The following DGKB variants were observed in gnomAD, a reference collection of about 807,000 sequenced individuals.
DGKB encodes the protein 90 kDa diacylglycerol kinase.
A neutral mutation model predicts 114.3 loss-of-function variants in DGKB; 67 were observed. The ratio of observed to expected loss-of-function variants is 0.59; its 90% CI spans 0.48 to 0.72. DGKB has a LOEUF of 0.72. Among genes scored for constraint, DGKB ranks in the 30% least tolerant of loss-of-function variants. The probability of loss-of-function intolerance (pLI) is 0.00; values close to 1 mark genes in which losing one functional copy is unlikely to be tolerated. For synonymous variants in DGKB, 398 were observed against 323.1 expected (o/e 1.23, Z -2.49); for missense variants, 907 against 975.2 (o/e 0.93, Z 0.93).
intron 23 of DGKB, among the ~76,000 whole-genome samples, chr7:14,282,029 A>G (rs1233483537): frequency 1.0e-5 from 1 of 97,614 alleles, no homozygotes; most frequent in East Asian, 3.0e-4. Context: ...AACTGAAGGA[A>G]ATAGAGACAC....
intron 20 of DGKB, among the ~76,000 whole-genome samples, chr7:14,528,687 G>A (rs2092613501): frequency 6.6e-6 from 1 of 151,968 alleles, no homozygotes; most frequent in Non-Finnish European, 1.5e-5. Flanking sequence ...AAGACATTAT[G>A]CTAATAGAGC....
chr7:14,660,601 TTCTC>T (rs1816845064), intron 13 of DGKB, among the ~76,000 whole-genome samples: 1 of 152,076 alleles, frequency 6.6e-6, no homozygotes, highest in Non-Finnish European at 1.5e-5. Context: ...TATTTGATTC[TTCTC>T]TCTTTTTTTC....
At chr7:14,723,519 T>TC (rs1279428015) in intron 5 of DGKB, among the ~76,000 whole-genome samples, 2 of 152,072 alleles carry the variant, frequency 1.3e-5, no homozygotes, top group African/African-American at 4.8e-5. Context: ...GCTATACTAC[T>TC]TTAAATATTT....
At chr7:14,469,179 G>A (rs1457934472) in intron 21 of DGKB, among the ~76,000 whole-genome samples, 2 of 151,932 alleles carry the variant, frequency 1.3e-5, no homozygotes, top group African/African-American at 4.8e-5. Flanking sequence ...ATATTCTTCT[G>A]TGGAATTTAC....
At chr7:14,782,769 A>G (rs556279748) in intron 2 of DGKB, among the ~76,000 whole-genome samples, 1 of 152,238 alleles carries the variant, frequency 6.6e-6, no homozygotes, top group Non-Finnish European at 1.5e-5. Context: ...GGTTAGTGTA[A>G]AGGCAAAGTG....
chr7:14,160,743 T>A lies in DGKB; in HGVS notation c.2305-11505A>T, dbSNP rs183616845. Among the ~76,000 whole-genome samples, 24 of 152,322 alleles carry A rather than the reference T, an allele frequency of 1.6e-4. No homozygotes were observed. In the East Asian group the frequency reaches 4.4e-3, roughly 28 times the overall value. On this transcript the variant is annotated intron_variant, in intron 25 of 25. Transcript: ENST00000402815. ...TAGTCCCATCAAGCTACCATGGACT[T>A]TCTTCACAGAATTAGAAAAAACTAC...
chr7:14,633,887 G>T (rs1283777903), intron 13 of DGKB, among the ~76,000 whole-genome samples: 2 of 151,434 alleles, frequency 1.3e-5, no homozygotes, highest in Non-Finnish European at 3.0e-5. Context: ...TAATATCAAA[G>T]AATTTTTTAA....
chr7:14,677,780 T>C (rs758923441), intron 12 of DGKB, among the ~76,000 whole-genome samples: 4 of 152,056 alleles, frequency 2.6e-5, no homozygotes, highest in Non-Finnish European at 4.4e-5. Flanking sequence ...ATATTTTGCC[T>C]GTCACAGAGG....
intron 15 of DGKB, among the ~76,000 whole-genome samples, chr7:14,615,165 T>C (rs1806286596): frequency 6.6e-6 from 1 of 152,062 alleles, no homozygotes; most frequent in African/African-American, 2.4e-5. Flanking sequence ...GAACTGTTTC[T>C]ACTGGTTTTT....
At chr7:14,374,116 C>A (rs559488099) in intron 21 of DGKB, among the ~76,000 whole-genome samples, 1 of 152,232 alleles carries the variant, frequency 6.6e-6, no homozygotes, top group African/African-American at 2.4e-5. Flanking sequence ...AACTCAGGGT[C>A]CACAACACTT....
intron 1 of DGKB, among the ~76,000 whole-genome samples, chr7:14,878,066 A>T (rs1255644544): frequency 1.3e-5 from 2 of 152,116 alleles, no homozygotes; most frequent in Non-Finnish European, 2.9e-5. Flanking sequence ...AACAGAAAAA[A>T]AAAAAAGCCA....
At chr7:14,554,643 T>C (rs1208647704) in intron 20 of DGKB, among the ~76,000 whole-genome samples, 1 of 152,182 alleles carries the variant, frequency 6.6e-6, no homozygotes, top group East Asian at 1.9e-4. Flanking sequence ...GTGATTTTTC[T>C]ATTTACATCA....
intron 21 of DGKB, among the ~76,000 whole-genome samples, chr7:14,428,696 T>G (rs1029641260): frequency 6.6e-6 from 1 of 152,108 alleles, no homozygotes; most frequent in Admixed American, 6.6e-5. Context: ...AATGGGAAGT[T>G]TCTTAGGATT....
intron 23 of DGKB, among the ~76,000 whole-genome samples, chr7:14,184,907 C>A (rs933279369): frequency 6.6e-5 from 10 of 152,108 alleles, no homozygotes; most frequent in Non-Finnish European, 1.2e-4. Context: ...TACAAACTCA[C>A]AGCCAACATA....
chr7:14,220,352 G>T (rs753504348), intron 23 of DGKB, among the ~76,000 whole-genome samples: 3 of 151,480 alleles, frequency 2.0e-5, no homozygotes, highest in Non-Finnish European at 1.5e-5. Context: ...TAGATATCCA[G>T]TTGTCTCAGC....
At chr7:14,705,738 T>C (rs569755028) in intron 6 of DGKB, among the ~76,000 whole-genome samples, 160 of 151,168 alleles carry the variant, frequency 1.1e-3, no homozygotes, top group Non-Finnish European at 1.8e-3. Flanking sequence ...GAAGGAGAAA[T>C]AAAATACTTT....
At chr7:14,899,913 G>A (rs984907950) in intron 1 of DGKB, among the ~76,000 whole-genome samples, 1 of 152,018 alleles carries the variant, frequency 6.6e-6, no homozygotes, top group African/African-American at 2.4e-5. Context: ...CACATCGAGT[G>A]GTAAATTCTA....
intron 22 of DGKB, among the ~76,000 whole-genome samples, chr7:14,344,131 C>G (rs1812090113): frequency 6.6e-6 from 1 of 150,594 alleles, no homozygotes; most frequent in Middle Eastern, 3.2e-3. Flanking sequence ...TACATATACA[C>G]AGATATATCA....
rs200298301 is a variant in DGKB, at chr7:14,352,518, CA to C, written c.1836-7128del. 7.6e-3 allele frequency among the ~76,000 whole-genome samples: 1,152 copies of C among 152,034 alleles called. 14 individuals are homozygous for C. The highest frequency in any genetic ancestry group is 0.027 in the African/African-American group (1,112 of 41,446). On this transcript the variant is annotated intron_variant, in intron 21 of 25. Coordinates refer to ENST00000402815, the MANE Select transcript of DGKB (RefSeq NM_001350709.2). ...TTGCAGAGTCATACAAAAACGTACA[CA>C]AAGTAAGTCCCTAAGAGCAGTGATA...
Sources: gnomAD v4.1 joint callset for allele counts (sites outside exome capture counted in the v4.1 genomes callset) on GRCh38, gnomAD v4.1.1 for gene constraint, MANE v1.5 for transcripts, NCBI Gene and HGNC (gene_info 2026-07-23, HGNC 2026-07-21) for gene names.